The following AMPD2 variants were observed in gnomAD, a reference collection of about 807,000 sequenced individuals.
AMPD2 encodes the protein AMP deaminase 2.
Under a neutral mutation model 91.3 loss-of-function variants are expected in AMPD2, and 52 were observed. The observed-to-expected ratio is 0.57, with a 90% CI of 0.46 to 0.72. The LOEUF is 0.72. Ranked by LOEUF, AMPD2 falls within the 30% of genes least tolerant of loss-of-function variation. The pLI, the probability that AMPD2 is intolerant of heterozygous loss-of-function variation, is 0.00. For missense variants in AMPD2, 822 were observed against 1,122.3 expected (o/e 0.73, Z 3.82); for synonymous variants, 455 against 456.4 (o/e 1.00, Z 0.04).
Position 109,626,723 on chromosome 1 carries a change from C to T in AMPD2, c.532-3C>T, listed in dbSNP as rs760896648. 33 of 1,611,544 alleles carry T rather than the reference C, an allele frequency of 2.0e-5. No homozygotes were observed. In the South Asian group the frequency reaches 3.6e-4, roughly 18 times the overall value. On this transcript the variant is annotated splice_polypyrimidine_tract_variant and splice_region_variant and intron_variant, in intron 6 of 18. Transcript: ENST00000528667. ...GAGAGTGATCGCATATCCTCATCTC[C>T]AGGTGCCGTTCACAGACCTGCTGGA...
In AMPD2 at chr1:109,631,114, G is replaced by C. The variant is rs1013238160; in HGVS notation, c.2440G>C (p.Glu814Gln). 3 of 1,601,932 alleles carry C rather than the reference G, an allele frequency of 1.9e-6. No homozygotes were observed. In the Admixed American group the frequency reaches 5.2e-5, roughly 28 times the overall value. The stretch of plus-strand genomic sequence containing the variant: ...GAGTGAGATGCTGGAGACCATTCCA[G>C]AGGAGGCGGGTATCACCATGAGCCC... ...VQSEMLETIP[E>Q]EAGITMSPGP... Residue 814 changes from glutamate (E) to glutamine (Q), a missense_variant, in exon 19 of 19, where the codon GAG becomes CAG. Glu to Gln is a conservative substitution (Grantham distance 29). This residue lies in a region of AMPD2 where 430 missense variants were observed against 606.0 expected (regional missense o/e 0.71). Transcript: ENST00000528667.
chr1:109,626,974 T>C (rs572668803), intron 7 of AMPD2, 62 bp downstream of exon 7: 1 of 1,569,314 alleles, frequency 6.4e-7, no homozygotes, highest in Admixed American at 1.8e-5. Flanking sequence ...CTCAGCCTGG[T>C]GCCTGGGCAC....
At chr1:109,627,673 A>C in intron 9 of AMPD2, 101 bp from the exon 10 acceptor site, 1 of 1,555,444 alleles carries the variant, frequency 6.4e-7, no homozygotes, top group Non-Finnish European at 8.8e-7. Flanking sequence ...GGCAGCCTCC[A>C]TCCTTACCCT....
rs1057449681 is a variant in AMPD2 at position 109,625,089 on chromosome 1, C to A, written c.92-214C>A. Among the ~76,000 whole-genome samples the A allele has an allele frequency of 6.6e-6, 1 of 152,084 alleles. No homozygotes were observed. The highest frequency in any genetic ancestry group is 1.5e-5 in the Non-Finnish European group (1 of 68,000). ...CTAGGGGCAGACTCAGAATCCCCAC[C>A]CCAAGCCTGGAATGGGTGAGGGGTC... On this transcript the variant is annotated intron_variant, in intron 2 of 18. Coordinates refer to ENST00000528667, the MANE Select transcript of AMPD2 (RefSeq NM_001368809.2). The surrounding 1 kb of genome is among the most constrained non-coding windows in gnomAD (Gnocchi z 4.0).
intron 2 of AMPD2, chr1:109,623,920 T>C (rs1570579904): frequency 1.2e-6 from 1 of 812,964 alleles, no homozygotes; most frequent in Non-Finnish European, 1.5e-6. Flanking sequence ...GTTTCTGGGC[T>C]CCCTTGAACT....
chr1:109,623,433 T>C (rs1333855406), intron 2 of AMPD2, among the ~76,000 whole-genome samples: 2 of 152,194 alleles, frequency 1.3e-5, no homozygotes, highest in African/African-American at 2.4e-5. Context: ...GTTGCAGGTC[T>C]AGGGGCCTGC....
chr1:109,627,261 C>T lies in AMPD2; in HGVS notation c.805C>T (p.Leu269=). ...CATGCCTGGGGACCTGGGCTTGGGT[C>T]TGCGCATGGTGCGGGGTGTGGTGCA... ...STMPGDLGLG[L]RMVRGVVHVY... Residue 269 remains leucine, a synonymous_variant, in exon 8 of 19, where the codon CTG becomes TTG. Coordinates refer to ENST00000528667, the MANE Select transcript of AMPD2 (RefSeq NM_001368809.2). 6.2e-7 allele frequency: 1 copy of T among 1,610,672 alleles called. No individual in the cohort carries two copies.
intron 9 of AMPD2, 103 bp from the exon 10 acceptor site, chr1:109,627,671 C>T: frequency 1.3e-6 from 2 of 1,550,848 alleles, no homozygotes; most frequent in South Asian, 2.4e-5. Flanking sequence ...TTGGCAGCCT[C>T]CATCCTTACC....
intron 2 of AMPD2, among the ~76,000 whole-genome samples, chr1:109,622,646 T>G (rs978326804): frequency 6.6e-5 from 10 of 152,174 alleles, no homozygotes; most frequent in Non-Finnish European, 1.2e-4. Flanking sequence ...CCACCTTCAG[T>G]GAGCCTGCGG....
Position 109,631,223 on chromosome 1 carries a change from T to A in AMPD2, c.*71T>A. 2 of 1,394,602 alleles carry A rather than the reference T, an allele frequency of 1.4e-6. No homozygotes were observed. Among genetic ancestry groups the A allele is most frequent in the Non-Finnish European group, 2.0e-6 (2 of 1,005,628 alleles). The allele number at this position is 1,394,602 out of a possible 1,614,324, so 86.4% of individuals were successfully genotyped here. ...TTTTGTCCTCAGACCCCGCCCATGC[T>A]GTGTGGTCTCTGCATGTCTCCATTC... is the stretch of plus-strand genomic sequence containing the variant. On this transcript the variant is annotated 3_prime_UTR_variant, in exon 19 of 19. Transcript: ENST00000528667.
At chr1:109,629,994 TC>T in intron 16 of AMPD2, 78 bp downstream of exon 16, 1 of 1,528,646 alleles carries the variant, frequency 6.5e-7, no homozygotes, top group Non-Finnish European at 8.8e-7. Context: ...CAGCAACCGA[TC>T]CTCCTCCCAC....
intron 9 of AMPD2, 110 bp downstream of exon 9, chr1:109,627,628 G>A (rs1199594523): frequency 1.3e-6 from 2 of 1,527,804 alleles, no homozygotes; most frequent in East Asian, 2.3e-5. Context: ...CCTAGTTGCT[G>A]AGCCCTCGAC....
intron 2 of AMPD2, 116 bp downstream of exon 2, chr1:109,621,382 GTGCCCCTCAACCTCAGTCCCA>G: frequency 8.2e-7 from 1 of 1,214,740 alleles, no homozygotes. Context: ...CTCTGTGGTG[GTGCCCCTCAACCTCAGTCCCA>G]GGGACAGCCG....
chr1:109,620,622 C>G, intron 1 of AMPD2: 2 of 1,207,850 alleles, frequency 1.7e-6, no homozygotes, highest in Non-Finnish European at 2.1e-6. Flanking sequence ...TGGGCTACCC[C>G]GGGAGCTGAG....
chr1:109,627,484 A>C lies in AMPD2; in HGVS notation c.916A>C (p.Asn306His). The C allele has an allele frequency of 1.5e-5, 24 of 1,613,988 alleles. No individual in the cohort carries two copies. Among genetic ancestry groups the C allele is most frequent in the Non-Finnish European group, 1.9e-5 (23 of 1,179,944 alleles). The change falls in exon 9 of 19, where the codon AAT (asparagine) becomes CAT (histidine). Residue 306 changes from asparagine (N) to histidine (H), a missense_variant. Transcript: ENST00000528667. ...CCTGCAGGAATTTGTGGCTGACGTC[A>C]ATGTGCTGATGGCCCTGATTATCAA... ...PDLQEFVADV[N>H]VLMALIINGP...
At position 109,631,116 on chromosome 1, in the gene AMPD2, G is replaced by A. The variant is rs1166986189; in HGVS notation, c.2442G>A (p.Glu814=). 6.2e-7 allele frequency: 1 copy of A among 1,601,338 alleles called. No individual in the cohort carries two copies. Among genetic ancestry groups the A allele is most frequent in the Non-Finnish European group, 8.5e-7 (1 of 1,174,346 alleles). The change falls in exon 19 of 19, where the codon GAG becomes GAA. Residue 814 remains glutamate, a synonymous_variant. Transcript: ENST00000528667. Reference sequence around the variant, plus strand: ...GTGAGATGCTGGAGACCATTCCAGAGGAGGCGGGTATCACCATGAGCCCAG... The same window carrying A: ...GTGAGATGCTGGAGACCATTCCAGAAGAGGCGGGTATCACCATGAGCCCAG... ...VQSEMLETIP[E]EAGITMSPGP...
Position 109,626,326 on chromosome 1 carries a change from A to G in AMPD2, c.430A>G (p.Lys144Glu), listed in dbSNP as rs766200601. The G allele has an allele frequency of 6.2e-7, 1 of 1,613,434 alleles. No individual in the cohort carries two copies. The highest frequency in any genetic ancestry group is 8.5e-7 in the Non-Finnish European group (1 of 1,179,604). Residue 144 changes from lysine to glutamate, a missense_variant, in exon 6 of 19, where the codon AAG becomes GAG. Coordinates refer to ENST00000528667, the MANE Select transcript of AMPD2 (RefSeq NM_001368809.2). Reference sequence around the variant, plus strand: ...TGAATGCACCCCCTGCAGGCTCTACAAGGAACAGGGTGAGGGGCAGGGTGA... The same window carrying G: ...TGAATGCACCCCCTGCAGGCTCTACGAGGAACAGGGTGAGGGGCAGGGTGA... ...TDSDSDLQLY[K>E]EQGEGQGDRS...
At position 109,629,127 on chromosome 1, in the gene AMPD2, G is replaced by C. The variant is rs1650977889; in HGVS notation, c.1590G>C (p.Lys530Asn). The change falls in exon 14 of 19, where the codon AAG (lysine) becomes AAC (asparagine). Residue 530 changes from lysine to asparagine, a missense_variant. Physicochemically the swap from Lys to Asn is moderately conservative, Grantham distance 94. Around this residue, in one of 5 missense-constraint regions of AMPD2, gnomAD observed 430 missense variants for 606.0 expected, o/e 0.71. Coordinates refer to ENST00000528667, the MANE Select transcript of AMPD2 (RefSeq NM_001368809.2). ...CCTGCAGTGATGTGTACCGTACCAAGGGCCAGCTGGCCAACTTCCAGGAGA... is the reference window on the plus strand; with the variant it reads ...CCTGCAGTGATGTGTACCGTACCAACGGCCAGCTGGCCAACTTCCAGGAGA... ...VPRLFDVYRT[K>N]GQLANFQEML... 2 of 1,613,952 alleles carry C rather than the reference G, an allele frequency of 1.2e-6. No homozygotes were observed. Among genetic ancestry groups the C allele is most frequent in the Non-Finnish European group, 1.7e-6 (2 of 1,179,966 alleles).
chr1:109,621,435 GTGGTGGGGGGC>G, intron 2 of AMPD2, 169 bp downstream of exon 2: 1 of 658,286 alleles, frequency 1.5e-6, no homozygotes. Context: ...GGGGTGAGGG[GTGGTGGGGGGC>G]GGGGGGTGGA....
Sources: gnomAD v4.1 joint callset for allele counts (sites outside exome capture counted in the v4.1 genomes callset) on GRCh38, gnomAD v4.1.1 for gene constraint, gnomAD v4.1.1 regional missense constraint, Gnocchi (gnomAD v3.1) non-coding constraint, MANE v1.5 for transcripts, NCBI Gene and HGNC (gene_info 2026-07-23, HGNC 2026-07-21) for gene names.